ELOVL6: variants seen among roughly 807,000 people sequenced by gnomAD.
ELOVL6 encodes ELOVL fatty acid elongase 6.
ELOVL6 carries 8 observed loss-of-function variants against 31.7 expected under a neutral mutation model. The ratio of observed to expected loss-of-function variants is 0.25; its 90% CI spans 0.15 to 0.45. The LOEUF is 0.45. ELOVL6 is among the 20% of genes least tolerant of loss of function. The pLI, the probability that ELOVL6 is intolerant of heterozygous loss-of-function variation, is 1.00. For missense variants in ELOVL6, 126 were observed against 326.4 expected (o/e 0.39, Z 4.73); for synonymous variants, 101 against 117.7 (o/e 0.86, Z 0.92).
chr4:110,091,482 G>C (rs1756425602), intron 2 of ELOVL6, among the ~76,000 whole-genome samples: 2 of 152,186 alleles, frequency 1.3e-5, no homozygotes, highest in South Asian at 4.1e-4. Flanking sequence ...TTCCTGCTTT[G>C]CTTTTTACCT....
intron 1 of ELOVL6, among the ~76,000 whole-genome samples, chr4:110,112,920 A>G (rs1274341903): frequency 1.3e-5 from 2 of 151,824 alleles, no homozygotes; most frequent in Non-Finnish European, 2.9e-5. Context: ...TCAATTTTTT[A>G]TCTCCTTAGA....
rs6849861 is a variant in ELOVL6, at chr4:110,080,010, C to T, written c.222-20256G>A. Among the ~76,000 whole-genome samples, 27 of 151,978 alleles carry T rather than the reference C, an allele frequency of 1.8e-4. No homozygotes were observed. The South Asian group carries it at 1.9e-3, about 11-fold the overall frequency. ...ATCTAGAAGAAATGGATAAATTCCT[C>T]GACACATACACCCTCCCAAGACTAA... On this transcript the variant is annotated intron_variant, in intron 2 of 3. Transcript: ENST00000302274.
At chr4:110,144,280 C>G (rs1237030392) in intron 1 of ELOVL6, among the ~76,000 whole-genome samples, 4 of 152,084 alleles carry the variant, frequency 2.6e-5, no homozygotes, top group African/African-American at 9.7e-5. Context: ...AATCAAGAAT[C>G]CTTATCTTGG....
At chr4:110,182,903 C>T (rs928547567) in intron 1 of ELOVL6, among the ~76,000 whole-genome samples, 4 of 151,324 alleles carry the variant, frequency 2.6e-5, no homozygotes, top group Admixed American at 2.0e-4. Flanking sequence ...AACAAAACTC[C>T]GTCTCAAAAA....
At chr4:110,177,557 C>G (rs78721639) in intron 1 of ELOVL6, among the ~76,000 whole-genome samples, 2,290 of 152,146 alleles carry the variant, frequency 0.015, 38 homozygotes, top group African/African-American at 0.049. Context: ...AATAAAAAGG[C>G]TCCCATGCCA....
chr4:110,149,001 C>T (rs1758207738), intron 1 of ELOVL6, among the ~76,000 whole-genome samples: 1 of 152,200 alleles, frequency 6.6e-6, no homozygotes, highest in Admixed American at 6.5e-5. Context: ...GCTGGGATTA[C>T]AGGCACAAGC....
In ELOVL6 at chr4:110,198,236, G is replaced by A; in HGVS notation, c.89+11C>T. ...CTCCCGGGAACAGTATCAGGCGAAA[G>A]CATCACGTACCAGTTTTCCTGCATC... On this transcript the variant is annotated intron_variant, in intron 1 of 3. Transcript: ENST00000302274. 6.5e-7 allele frequency: 1 copy of A among 1,533,306 alleles called. No individual in the cohort carries two copies. Among genetic ancestry groups the A allele is most frequent in the Non-Finnish European group, 9.0e-7 (1 of 1,106,478 alleles). The allele number at this position is 1,533,306 out of a possible 1,614,324, so 95.0% of individuals were successfully genotyped here.
chr4:110,083,291 G>A (rs11726901), intron 2 of ELOVL6, among the ~76,000 whole-genome samples: 20,545 of 151,680 alleles, frequency 0.14, 1,662 homozygotes, highest in African/African-American at 0.16. Flanking sequence ...CAAGAAGGTC[G>A]TCTTCTGACA....
intron 2 of ELOVL6, among the ~76,000 whole-genome samples, chr4:110,062,029 T>A (rs1755157100): frequency 6.6e-6 from 1 of 152,192 alleles, no homozygotes; most frequent in African/African-American, 2.4e-5. Flanking sequence ...CAAATATTTA[T>A]TGGCATGGTT....
At chr4:110,183,614 T>A (rs1254177121) in intron 1 of ELOVL6, among the ~76,000 whole-genome samples, 2 of 104,684 alleles carry the variant, frequency 1.9e-5, no homozygotes, top group Non-Finnish European at 4.7e-5. Context: ...ACAGATCTAT[T>A]TTTTTTTTAC....
At chr4:110,172,517 T>C (rs920504622) in intron 1 of ELOVL6, among the ~76,000 whole-genome samples, 2 of 152,144 alleles carry the variant, frequency 1.3e-5, no homozygotes, top group Non-Finnish European at 2.9e-5. Flanking sequence ...GAGAATTGCC[T>C]GGACCTCCTG....
At chr4:110,185,931 C>A (rs926548489) in intron 1 of ELOVL6, among the ~76,000 whole-genome samples, 1 of 152,154 alleles carries the variant, frequency 6.6e-6, no homozygotes, top group Non-Finnish European at 1.5e-5. Flanking sequence ...GTGGCTCACA[C>A]CTGTAATCCC....
intron 2 of ELOVL6, among the ~76,000 whole-genome samples, chr4:110,082,651 G>C (rs1755900765): frequency 6.6e-6 from 1 of 152,062 alleles, no homozygotes; most frequent in African/African-American, 2.4e-5. Flanking sequence ...GTTAAATGAT[G>C]AGTTAATGGG....
At chr4:110,172,975 A>G (rs969189031) in intron 1 of ELOVL6, among the ~76,000 whole-genome samples, 2 of 152,188 alleles carry the variant, frequency 1.3e-5, no homozygotes, top group South Asian at 4.1e-4. Flanking sequence ...GCATATGCCT[A>G]TGTGGATTCT....
intron 2 of ELOVL6, among the ~76,000 whole-genome samples, chr4:110,085,663 TTTAA>T (rs922965813): frequency 2.6e-5 from 4 of 152,200 alleles, no homozygotes; most frequent in African/African-American, 9.7e-5. Context: ...ATATTGAAAC[TTTAA>T]TTACAGTAAA....
intron 1 of ELOVL6, among the ~76,000 whole-genome samples, chr4:110,158,591 A>C (rs1758525998): frequency 6.8e-6 from 1 of 146,708 alleles, no homozygotes. Context: ...ATATGTATAT[A>C]TATACACACA....
chr4:110,099,032 T>A (rs1263149706), intron 2 of ELOVL6, among the ~76,000 whole-genome samples: 1 of 152,192 alleles, frequency 6.6e-6, no homozygotes, highest in Admixed American at 6.5e-5. Flanking sequence ...TGTACCATCA[T>A]TTTATAGGTC....
At chr4:110,074,195 G>A (rs1755567772) in intron 2 of ELOVL6, among the ~76,000 whole-genome samples, 1 of 152,140 alleles carries the variant, frequency 6.6e-6, no homozygotes, top group African/African-American at 2.4e-5. Context: ...AAATGGCTTG[G>A]TATTTGCACA....
chr4:110,097,983 C>A (rs1756635648), intron 2 of ELOVL6, among the ~76,000 whole-genome samples: 1 of 152,066 alleles, frequency 6.6e-6, no homozygotes, highest in Non-Finnish European at 1.5e-5. Flanking sequence ...GAAAATGTGA[C>A]ATTTTACATT....
Sources: gnomAD v4.1 joint callset for allele counts (sites outside exome capture counted in the v4.1 genomes callset) on GRCh38, gnomAD v4.1.1 for gene constraint, MANE v1.5 for transcripts, NCBI Gene and HGNC (gene_info 2026-07-23, HGNC 2026-07-21) for gene names.